The following ALK variants were observed in gnomAD, a reference collection of about 807,000 sequenced individuals.
ALK encodes the protein ALK tyrosine kinase receptor.
In ALK, 74 loss-of-function variants were observed where a neutral mutation model predicts 163.1. The ratio of observed to expected loss-of-function variants is 0.45; its 90% CI spans 0.38 to 0.55. The LOEUF is 0.55. Ranked by LOEUF, ALK falls within the 20% of genes least tolerant of loss-of-function variation. The probability of loss-of-function intolerance (pLI) is 0.00; values close to 1 mark genes in which losing one functional copy is unlikely to be tolerated. For missense variants in ALK, 2,063 were observed against 2,105.3 expected (o/e 0.98, Z 0.39); for synonymous variants, 960 against 843.2 (o/e 1.14, Z -2.40).
At chr2:29,225,711 G>A (rs566080705) in intron 18 of ALK, 146 bp from the exon 19 acceptor site, 5 of 717,516 alleles carry the variant, frequency 7.0e-6, no homozygotes, top group South Asian at 6.5e-5. Flanking sequence ...TTCTTTTCAG[G>A]GGACCATGAG....
chr2:29,807,271 C>T (rs1328217202), intron 1 of ALK, among the ~76,000 whole-genome samples: 1 of 152,182 alleles, frequency 6.6e-6, no homozygotes, highest in East Asian at 1.9e-4. Context: ...CGAATCTCTC[C>T]CCAGACTCTC....
chr2:29,300,748 C>T (rs1270030368), intron 8 of ALK, among the ~76,000 whole-genome samples: 2 of 152,108 alleles, frequency 1.3e-5, no homozygotes, highest in African/African-American at 4.8e-5. Flanking sequence ...CCAATAAGAA[C>T]TTTCTTGCTC....
At chr2:29,609,480 C>T (rs1245946781) in intron 3 of ALK, among the ~76,000 whole-genome samples, 1 of 152,156 alleles carries the variant, frequency 6.6e-6, no homozygotes, top group Non-Finnish European at 1.5e-5. Flanking sequence ...CACTCATCTA[C>T]ACATCCAAAA....
chr2:29,420,822 C>T (rs1019995120), intron 4 of ALK, among the ~76,000 whole-genome samples: 1 of 151,566 alleles, frequency 6.6e-6, no homozygotes, highest in East Asian at 1.9e-4. Context: ...AATAACCACA[C>T]GGAGGAGAAA....
intron 26 of ALK, among the ~76,000 whole-genome samples, chr2:29,202,749 A>C (rs1344397081): frequency 6.6e-6 from 1 of 152,214 alleles, no homozygotes; most frequent in Non-Finnish European, 1.5e-5. Flanking sequence ...ATAGTTTTCC[A>C]TGATGTAAGT....
intron 1 of ALK, among the ~76,000 whole-genome samples, chr2:29,810,216 G>A (rs1664719220): frequency 6.6e-6 from 1 of 152,150 alleles, no homozygotes; most frequent in Non-Finnish European, 1.5e-5. Flanking sequence ...GAGGTCAGGA[G>A]CTCGAGACCA....
chr2:29,699,728 C>A (rs1678677435), intron 2 of ALK, among the ~76,000 whole-genome samples: 2 of 152,138 alleles, frequency 1.3e-5, no homozygotes, highest in South Asian at 4.2e-4. Flanking sequence ...GAGAATCTGA[C>A]CATTGAAAAA....
chr2:29,878,613 G>A (rs993971823), intron 1 of ALK, among the ~76,000 whole-genome samples: 1 of 152,156 alleles, frequency 6.6e-6, no homozygotes, highest in Non-Finnish European at 1.5e-5. Flanking sequence ...GTAGGTCGAG[G>A]TCACTATTGG....
chr2:29,334,133 G>A lies in ALK; in HGVS notation c.1283-5652C>T, dbSNP rs565470885. 3.4e-4 allele frequency among the ~76,000 whole-genome samples: 52 copies of A among 152,172 alleles called. No homozygotes were observed. The South Asian group carries it at 0.01, about 30-fold the overall frequency. ...ACCACCTCATCTGTGCCATTTTCAT[G>A]GATTCTCCCCTCCATGAATGTCCCT... On this transcript the variant is annotated intron_variant, in intron 5 of 28. Transcript: ENST00000389048.
chr2:29,396,967 C>T (rs528838485), intron 4 of ALK, among the ~76,000 whole-genome samples: 1 of 149,102 alleles, frequency 6.7e-6, no homozygotes, highest in East Asian at 2.0e-4. Context: ...GCAAGGAGTG[C>T]CAAACCCTGT....
chr2:29,920,394 C>G lies in ALK; in HGVS notation c.266G>C (p.Gly89Ala), dbSNP rs1558549988. The G allele has an allele frequency of 1.3e-6, 2 of 1,570,636 alleles. No individual in the cohort carries two copies. The highest frequency in any genetic ancestry group is 1.9e-5 in the Admixed American group (1 of 53,690). Residue 89 changes from glycine to alanine, a missense_variant, in exon 1 of 29, where the codon GGC becomes GCC. By Grantham distance (60) the Gly-to-Ala change is moderately conservative. This residue lies in a region of ALK where 987 missense variants were observed against 939.5 expected (regional missense o/e 1.05). Coordinates refer to ENST00000389048, the MANE Select transcript of ALK (RefSeq NM_004304.5). Reference protein sequence around the residue: ...ELKAGRPEARGSLALDCAPLL... With the variant: ...ELKAGRPEARASLALDCAPLL... ...CGGGGCGCAGTCCAGAGCTAGCGAGCCGCGGGCCTCGGGCCTGCCAGCCTT... is the reference window on the plus strand; with the variant it reads ...CGGGGCGCAGTCCAGAGCTAGCGAGGCGCGGGCCTCGGGCCTGCCAGCCTT...
At chr2:29,665,411 G>T (rs908306446) in intron 3 of ALK, among the ~76,000 whole-genome samples, 1 of 152,006 alleles carries the variant, frequency 6.6e-6, no homozygotes, top group East Asian at 1.9e-4. Context: ...CTTGATTACA[G>T]CAATAATCAC....
intron 1 of ALK, among the ~76,000 whole-genome samples, chr2:29,773,937 C>A (rs1341019434): frequency 2.0e-5 from 3 of 152,122 alleles, no homozygotes; most frequent in Non-Finnish European, 4.4e-5. Context: ...TTGAGAAAAA[C>A]ATAATTTGAT....
intron 3 of ALK, among the ~76,000 whole-genome samples, chr2:29,569,656 T>A (rs565004925): frequency 6.6e-6 from 1 of 152,162 alleles, no homozygotes; most frequent in South Asian, 2.1e-4. Flanking sequence ...TGGCCATCAC[T>A]CAAACAATCA....
chr2:29,416,627 G>A (rs1283591885), intron 4 of ALK, among the ~76,000 whole-genome samples: 1 of 152,190 alleles, frequency 6.6e-6, no homozygotes, highest in African/African-American at 2.4e-5. Flanking sequence ...TCATTTTAGT[G>A]GCTCTTGTAG....
At chr2:29,212,250 G>A (rs1036992654) in intron 24 of ALK, among the ~76,000 whole-genome samples, 3 of 152,182 alleles carry the variant, frequency 2.0e-5, no homozygotes, top group Non-Finnish European at 2.9e-5. Context: ...AACCAAGGAC[G>A]ACTTCAAAAG....
intron 15 of ALK, among the ~76,000 whole-genome samples, chr2:29,231,023 A>G (rs1343001108): frequency 6.6e-6 from 1 of 152,142 alleles, no homozygotes; most frequent in Non-Finnish European, 1.5e-5. Flanking sequence ...TCAAAATCAG[A>G]ACAACGGTGT....
chr2:29,291,241 G>A (rs937462173), intron 9 of ALK, among the ~76,000 whole-genome samples: 5 of 151,832 alleles, frequency 3.3e-5, no homozygotes, highest in Admixed American at 1.3e-4. Context: ...GTGCACGCCT[G>A]TAGTTCTAGC....
At chr2:29,611,348 C>T (rs1675685882) in intron 3 of ALK, among the ~76,000 whole-genome samples, 1 of 152,164 alleles carries the variant, frequency 6.6e-6, no homozygotes, top group Non-Finnish European at 1.5e-5. Flanking sequence ...CTGGTAGGAG[C>T]ATATTTTCAG....
Sources: allele counts gnomAD v4.1 joint callset (sites outside exome capture counted in the v4.1 genomes callset), GRCh38; gene constraint gnomAD v4.1.1; regional missense constraint gnomAD v4.1.1; transcripts MANE v1.5; gene names NCBI Gene and HGNC (gene_info 2026-07-23, HGNC 2026-07-21).